The following RBFOX1 variants were observed in gnomAD, a reference collection of about 807,000 sequenced individuals.
RBFOX1 encodes RNA binding fox-1 homolog 1, also known as RNA binding protein fox-1 homolog 1.
A neutral mutation model predicts 57.7 loss-of-function variants in RBFOX1; 8 were observed. That is an observed-to-expected ratio of 0.14 (90% CI 0.08 to 0.25). The LOEUF is 0.25. RBFOX1 is among the 10% of genes least tolerant of loss of function. The pLI is 1.00. For missense variants in RBFOX1, 611 were observed against 548.5 expected (o/e 1.11, Z -1.14); for synonymous variants, 326 against 222.4 (o/e 1.47, Z -4.15).
chr16:5,862,796 A>G (rs968044300), intron 3 of RBFOX1, among the ~76,000 whole-genome samples: 41 of 152,150 alleles, frequency 2.7e-4, no homozygotes, highest in African/African-American at 9.7e-4. Flanking sequence ...ACGACCCTAT[A>G]AAAGTTATAC....
intron 4 of RBFOX1, among the ~76,000 whole-genome samples, chr16:7,457,034 C>G (rs778110999): frequency 2.0e-5 from 3 of 151,974 alleles, no homozygotes; most frequent in African/African-American, 7.2e-5. Flanking sequence ...ATTGCAGGCA[C>G]GCACCACCAC....
chr16:5,356,862 T>A (rs1182334311), intron 1 of RBFOX1, among the ~76,000 whole-genome samples: 10 of 152,230 alleles, frequency 6.6e-5, no homozygotes, highest in Non-Finnish European at 1.5e-4. Context: ...CTATTGATAA[T>A]GTTTATAATA....
Position 7,450,094 on chromosome 16 carries a change from A to G in RBFOX1, c.28-68053A>G, listed in dbSNP as rs531570133. Among the ~76,000 whole-genome samples the G allele has an allele frequency of 9.2e-5, 14 of 152,260 alleles. No homozygotes were observed. The South Asian group carries it at 2.9e-3, about 32-fold the overall frequency. ...GAAAAGAAGGAACTCAATCTAAAGT[A>G]TAAATAAAAGGAGAGACTTGGCCGA... On this transcript the variant is annotated intron_variant, in intron 4 of 15. Coordinates refer to ENST00000550418, the MANE Select transcript of RBFOX1 (RefSeq NM_018723.4).
intron 3 of RBFOX1, among the ~76,000 whole-genome samples, chr16:6,921,898 G>A (rs756967695): frequency 3.2e-4 from 48 of 152,204 alleles, no homozygotes; most frequent in Non-Finnish European, 6.0e-4. Context: ...GATTATGCAA[G>A]GGTGAGAACA....
At chr16:7,215,859 G>A (rs1360369072) in intron 4 of RBFOX1, among the ~76,000 whole-genome samples, 1 of 151,738 alleles carries the variant, frequency 6.6e-6, no homozygotes, top group African/African-American at 2.4e-5. Flanking sequence ...CGATTAGCTG[G>A]GACTACAGGC....
At chr16:6,896,484 A>G (rs1020909176) in intron 3 of RBFOX1, among the ~76,000 whole-genome samples, 2 of 151,844 alleles carry the variant, frequency 1.3e-5, no homozygotes, top group African/African-American at 2.4e-5. Context: ...AATTGTTTTG[A>G]CTTTTAGATC....
At chr16:7,586,947 C>A (rs1271330892) in intron 6 of RBFOX1, among the ~76,000 whole-genome samples, 1 of 152,184 alleles carries the variant, frequency 6.6e-6, no homozygotes, top group Non-Finnish European at 1.5e-5. Flanking sequence ...ATACTAGCCA[C>A]TTTTAATCTT....
chr16:7,041,671 G>T (rs77134526), intron 3 of RBFOX1, among the ~76,000 whole-genome samples: 1 of 151,968 alleles, frequency 6.6e-6, no homozygotes, highest in African/African-American at 2.4e-5. Flanking sequence ...CAAACCTTTC[G>T]AAAGGAATCT....
intron 3 of RBFOX1, among the ~76,000 whole-genome samples, chr16:5,819,253 A>G (rs554374109): frequency 6.6e-6 from 1 of 152,156 alleles, no homozygotes; most frequent in Non-Finnish European, 1.5e-5. Context: ...TCCTATGACA[A>G]AGGATCATAC....
chr16:5,399,398 A>T (rs1460855179), intron 1 of RBFOX1, among the ~76,000 whole-genome samples: 1 of 152,216 alleles, frequency 6.6e-6, no homozygotes, highest in Admixed American at 6.5e-5. Flanking sequence ...AATGCATTTA[A>T]TTTTTCTCGT....
intron 4 of RBFOX1, among the ~76,000 whole-genome samples, chr16:7,290,821 C>T (rs1339146196): frequency 6.6e-6 from 1 of 152,154 alleles, no homozygotes; most frequent in Non-Finnish European, 1.5e-5. Flanking sequence ...TAGAAGCAGA[C>T]AGCTTATCTA....
intron 2 of RBFOX1, among the ~76,000 whole-genome samples, chr16:6,351,656 A>G (rs7205041): frequency 0.68 from 102,512 of 151,770 alleles, 36,325 homozygotes; most frequent in African/African-American, 0.91. Flanking sequence ...TTACAGGCAT[A>G]AGCCACCGCT....
chr16:6,987,571 G>A (rs1337068031), intron 3 of RBFOX1, among the ~76,000 whole-genome samples: 1 of 151,658 alleles, frequency 6.6e-6, no homozygotes, highest in Non-Finnish European at 1.5e-5. Flanking sequence ...AAGCATAGGT[G>A]GGCACAGGTG....
chr16:5,908,125 T>C lies in RBFOX1; in HGVS notation c.351+40790T>C, dbSNP rs142072859. Among the ~76,000 whole-genome samples the C allele has an allele frequency of 5.1e-4, 57 of 111,146 alleles. 1 individual carries two copies. The highest frequency in any genetic ancestry group is 1.8e-3 in the African/African-American group (48 of 26,238). 72.9% of individuals were successfully genotyped at this position (111,146 alleles called of 152,430 possible). On this transcript the variant is annotated intron_variant, in intron 4 of 19. Transcript: ENST00000641259. ...ATATATATATACACATATATACACA[T>C]ATATATATACACATATATACACATA...
chr16:7,496,048 G>A (rs1306338476), intron 4 of RBFOX1, among the ~76,000 whole-genome samples: 1 of 152,150 alleles, frequency 6.6e-6, no homozygotes, highest in Non-Finnish European at 1.5e-5. Context: ...TGGTGTGGTG[G>A]GAAGATACTA....
downstream of RBFOX1, among the ~76,000 whole-genome samples, chr16:5,602,526 C>A (rs1356209086): frequency 6.6e-6 from 1 of 152,114 alleles, no homozygotes; most frequent in Non-Finnish European, 1.5e-5. Context: ...ATGCACATGA[C>A]ATACTGTTGA....
At chr16:6,433,851 T>C (rs977000802) in intron 2 of RBFOX1, among the ~76,000 whole-genome samples, 6 of 130,434 alleles carry the variant, frequency 4.6e-5, no homozygotes, top group Admixed American at 3.6e-4. Flanking sequence ...TTTTTCTTTT[T>C]TTTTTTTTTT....
chr16:7,623,485 T>A (rs2059618279), intron 10 of RBFOX1, among the ~76,000 whole-genome samples: 1 of 152,154 alleles, frequency 6.6e-6, no homozygotes, highest in Non-Finnish European at 1.5e-5. Flanking sequence ...CCAAGATCCC[T>A]AGCTCAGTTC....
intron 1 of RBFOX1, among the ~76,000 whole-genome samples, chr16:6,268,638 GT>G (rs772655426): frequency 2.7e-4 from 41 of 152,192 alleles, no homozygotes; most frequent in Non-Finnish European, 5.0e-4. Flanking sequence ...GCATCGAACA[GT>G]TATTATATGC....
Sources: allele counts gnomAD v4.1 joint callset (sites outside exome capture counted in the v4.1 genomes callset), GRCh38; gene constraint gnomAD v4.1.1; transcripts MANE v1.5; gene names NCBI Gene and HGNC (gene_info 2026-07-23, HGNC 2026-07-21).